Variants in KHDRBS2 observed in about 807,000 individuals in gnomAD.
The protein encoded by KHDRBS2 is KH domain-containing, RNA-binding, signal transduction-associated protein 2.
Under a neutral mutation model 44.3 loss-of-function variants are expected in KHDRBS2, and 26 were observed. That is an observed-to-expected ratio of 0.59 (90% CI 0.43 to 0.81). KHDRBS2 has a LOEUF of 0.81. KHDRBS2 is among the 40% of genes least tolerant of loss of function. The pLI is 0.00. For synonymous variants in KHDRBS2, 194 were observed against 151.1 expected (o/e 1.28, Z -2.08); for missense variants, 476 against 433.1 (o/e 1.10, Z -0.88).
At chr6:61,822,961 T>A (rs114336779) in intron 6 of KHDRBS2, among the ~76,000 whole-genome samples, 2 of 152,056 alleles carry the variant, frequency 1.3e-5, no homozygotes, top group Non-Finnish European at 2.9e-5. Flanking sequence ...GTTGGTCATC[T>A]CCATAAGGAC....
At chr6:62,009,786 T>G (rs1249552797) in intron 3 of KHDRBS2, among the ~76,000 whole-genome samples, 3 of 152,122 alleles carry the variant, frequency 2.0e-5, no homozygotes, top group Non-Finnish European at 2.9e-5. Context: ...GGCCTGCAAG[T>G]GCACGGAAGT....
chr6:62,059,264 C>A (rs1156292642), intron 2 of KHDRBS2, among the ~76,000 whole-genome samples: 13 of 104,108 alleles, frequency 1.2e-4, no homozygotes, highest in African/African-American at 4.9e-4. Flanking sequence ...GAATAGGGAG[C>A]TTGAAGCTGG....
the KHDRBS2 span, chr6:61,661,385 A>G: frequency 1.3e-5 from 2 of 151,878 alleles, no homozygotes; most frequent in African/African-American, 4.8e-5. Flanking sequence ...AGATGAGCAG[A>G]ACAGCTTTAA....
At chr6:61,855,624 C>T (rs199573942) in intron 6 of KHDRBS2, among the ~76,000 whole-genome samples, 1 of 149,658 alleles carries the variant, frequency 6.7e-6, no homozygotes, top group African/African-American at 2.5e-5. Context: ...ATGCCTGGTG[C>T]TTTGTTTTGT....
At chr6:62,267,359 C>A in intron 1 of KHDRBS2, among the ~76,000 whole-genome samples, 1 of 152,014 alleles carries the variant, frequency 6.6e-6, no homozygotes, top group East Asian at 1.9e-4. Flanking sequence ...TAGGAATCAG[C>A]CCAAACTGGT....
At chr6:61,984,917 G>A (rs1349545515) in intron 3 of KHDRBS2, among the ~76,000 whole-genome samples, 1 of 152,134 alleles carries the variant, frequency 6.6e-6, no homozygotes, top group Non-Finnish European at 1.5e-5. Flanking sequence ...TATTTGTTCT[G>A]CAATTATAAG....
intron 2 of KHDRBS2, among the ~76,000 whole-genome samples, chr6:62,067,612 T>C (rs1035154958): frequency 7.3e-5 from 11 of 151,684 alleles, no homozygotes; most frequent in African/African-American, 2.7e-4. Flanking sequence ...AATTAGTTCA[T>C]TAAAAGTGTA....
chr6:61,750,625 T>C lies in KHDRBS2; in HGVS notation c.811-17861A>G, dbSNP rs556287549. Among the ~76,000 whole-genome samples, 20 of 152,288 alleles carry C rather than the reference T, an allele frequency of 1.3e-4. No homozygotes were observed. In the South Asian group the frequency reaches 2.7e-3, roughly 21 times the overall value. On this transcript the variant is annotated intron_variant, in intron 6 of 8. Coordinates refer to ENST00000281156, the MANE Select transcript of KHDRBS2 (RefSeq NM_152688.4). ...TTGGGAAAGTAACCAACCAAGTGTC[T>C]TTAGACAAAACCGTCTTCTGATTCT...
intron 2 of KHDRBS2, among the ~76,000 whole-genome samples, chr6:62,080,978 A>C (rs1797281415): frequency 6.6e-6 from 1 of 152,066 alleles, no homozygotes; most frequent in African/African-American, 2.4e-5. Flanking sequence ...AAGGCTCCCC[A>C]CTGTTACTAT....
At chr6:62,227,409 T>G (rs1335685992) in intron 1 of KHDRBS2, among the ~76,000 whole-genome samples, 1 of 152,306 alleles carries the variant, frequency 6.6e-6, no homozygotes, top group Middle Eastern at 3.4e-3. Context: ...CTTAGCAGCT[T>G]AAGGAGTTTT....
intron 2 of KHDRBS2, among the ~76,000 whole-genome samples, chr6:62,165,069 G>T (rs951799613): frequency 6.6e-6 from 1 of 151,518 alleles, no homozygotes; most frequent in Admixed American, 6.6e-5. Flanking sequence ...TTTTCTTTTT[G>T]ATTTTAGTAA....
intron 4 of KHDRBS2, among the ~76,000 whole-genome samples, chr6:61,934,757 CAGG>C (rs1194788090): frequency 3.9e-5 from 6 of 152,194 alleles, no homozygotes; most frequent in African/African-American, 1.2e-4. Context: ...ATTGGGGTAA[CAGG>C]AACTTGCAGT....
intron 3 of KHDRBS2, among the ~76,000 whole-genome samples, chr6:62,044,483 TGA>T (rs1562712018): frequency 6.6e-6 from 1 of 150,798 alleles, no homozygotes; most frequent in Non-Finnish European, 1.5e-5. Flanking sequence ...GGCAACAGAA[TGA>T]GACACTGTCA....
At chr6:62,018,854 T>C (rs1429472097) in intron 3 of KHDRBS2, among the ~76,000 whole-genome samples, 1 of 152,208 alleles carries the variant, frequency 6.6e-6, no homozygotes, top group Non-Finnish European at 1.5e-5. Flanking sequence ...TACTTTACTA[T>C]TATCTAATAA....
intron 2 of KHDRBS2, among the ~76,000 whole-genome samples, chr6:62,083,779 G>GA (rs914038616): frequency 1.3e-5 from 2 of 152,128 alleles, no homozygotes; most frequent in African/African-American, 4.8e-5. Context: ...AAAGTATCCT[G>GA]AAAAATGCAG....
intron 3 of KHDRBS2, among the ~76,000 whole-genome samples, chr6:61,983,242 T>C (rs1334954707): frequency 7.3e-6 from 1 of 137,446 alleles, no homozygotes; most frequent in Admixed American, 7.3e-5. Flanking sequence ...CTTTCTTTTT[T>C]TTTTTTTTTT....
chr6:62,017,697 G>C (rs1190931327), intron 3 of KHDRBS2, among the ~76,000 whole-genome samples: 6 of 152,018 alleles, frequency 3.9e-5, no homozygotes, highest in African/African-American at 1.4e-4. Flanking sequence ...ATAATGTAGT[G>C]TTCAGAGATC....
chr6:61,848,563 GTA>G (rs1410985585), intron 6 of KHDRBS2, among the ~76,000 whole-genome samples: 34 of 22,096 alleles, frequency 1.5e-3, no homozygotes, highest in South Asian at 6.7e-3. Context: ...ATATATATAT[GTA>G]TATATATATA....
the KHDRBS2 span, among the ~76,000 whole-genome samples, chr6:61,668,242 G>A: frequency 6.6e-6 from 1 of 150,910 alleles, no homozygotes; most frequent in Non-Finnish European, 1.5e-5. Context: ...CCTTTGGCAT[G>A]CATAGATTTA....
Sources: allele counts gnomAD v4.1 joint callset (sites outside exome capture counted in the v4.1 genomes callset), GRCh38; gene constraint gnomAD v4.1.1; transcripts MANE v1.5; gene names NCBI Gene and HGNC (gene_info 2026-07-23, HGNC 2026-07-21).